Variants in GPSM1 observed in about 807,000 individuals in gnomAD.
GPSM1 encodes the protein G protein signaling modulator 1, also known as G protein-signaling modulator 1.
Under a neutral mutation model 70.5 loss-of-function variants are expected in GPSM1, and 48 were observed. The observed-to-expected ratio is 0.68, with a 90% confidence interval of 0.54 to 0.87. The LOEUF is 0.87. Ranked by LOEUF, GPSM1 falls within the 40% of genes least tolerant of loss-of-function variation. The pLI is 0.00. For synonymous variants in GPSM1, 416 were observed against 430.1 expected (o/e 0.97, Z 0.41); for missense variants, 981 against 972.6 (o/e 1.01, Z -0.11).
At chr9:136,330,123 A>G (rs1171424599) in intron 1 of GPSM1, among the ~76,000 whole-genome samples, 1 of 152,070 alleles carries the variant, frequency 6.6e-6, no homozygotes, top group Non-Finnish European at 1.5e-5. Context: ...CCAGTGGCTG[A>G]GAAGGCCCCG....
Position 136,358,406 on chromosome 9 carries a change from G to C in GPSM1, c.*186G>C, listed in dbSNP as rs978864679. On this transcript the variant is annotated 3_prime_UTR_variant, in exon 14 of 14. Coordinates refer to ENST00000440944, the MANE Select transcript of GPSM1 (RefSeq NM_001145638.3). ...TGGTGGGAGGGCGTGCTTCCATCCC[G>C]GGCTGGCCCCCATGGCCCTCAGCTT... 2 of 611,478 alleles carry C rather than the reference G, an allele frequency of 3.3e-6. No individual in the cohort carries two copies. The highest frequency in any genetic ancestry group is 5.6e-6 in the Non-Finnish European group (2 of 357,766). 37.9% of individuals were successfully genotyped at this position (611,478 alleles called of 1,614,324 possible).
Position 136,356,399 on chromosome 9 carries a change from G to C in GPSM1, c.1670G>C (p.Ser557Thr). Residue 557 changes from serine (S) to threonine (T), a missense_variant, in exon 13 of 14, where the codon AGC becomes ACC. Transcript: ENST00000440944. ...GAGGAATTCTTCGACCTCATCGCCAGCTCCCAGAGCCGCCGGCTGGACGAC... is the reference window on the plus strand; with the variant it reads ...GAGGAATTCTTCGACCTCATCGCCACCTCCCAGAGCCGCCGGCTGGACGAC... ...QTEEFFDLIA[S>T]SQSRRLDDQR... is the part of the protein sequence containing the mutation. The C allele has an allele frequency of 6.2e-7, 1 of 1,608,918 alleles. No homozygotes were observed. The highest frequency in any genetic ancestry group is 8.5e-7 in the Non-Finnish European group (1 of 1,177,998).
Position 136,348,743 on chromosome 9 carries a change from C to A in GPSM1, c.1254C>A (p.Asp418Glu), listed in dbSNP as rs1554771634. Residue 418 changes from aspartate (D) to glutamate (E), a missense_variant, in exon 10 of 14, where the codon GAC becomes GAA. Coordinates refer to ENST00000440944, the MANE Select transcript of GPSM1 (RefSeq NM_001145638.3). The stretch of plus-strand genomic sequence containing the variant: ...AGAGGCTGAGCGCGGAGACCTGGGA[C>A]CTGCTGAGACTCCCCCTGGAGCGGG... Reference protein sequence around the residue: ...RTQRLSAETWDLLRLPLEREQ... With the variant: ...RTQRLSAETWELLRLPLEREQ... 1 of 1,612,184 alleles carries A rather than the reference C, an allele frequency of 6.2e-7. No individual in the cohort carries two copies. Among genetic ancestry groups the A allele is most frequent in the East Asian group, 2.2e-5 (1 of 44,868 alleles).
intron 7 of GPSM1, among the ~76,000 whole-genome samples, chr9:136,339,420 A>G (rs1832331661): frequency 6.6e-6 from 1 of 152,246 alleles, no homozygotes; most frequent in Admixed American, 6.5e-5. Flanking sequence ...AACTGCCCGC[A>G]AAGGCAGAGC....
chr9:136,329,259 C>T (rs1588686967), intron 1 of GPSM1, among the ~76,000 whole-genome samples: 2 of 152,136 alleles, frequency 1.3e-5, no homozygotes, highest in Admixed American at 6.5e-5. Flanking sequence ...TTGGGGGAAG[C>T]GCGCCAAGCC....
At chr9:136,344,284 CA>C (rs1446987063) in intron 9 of GPSM1, among the ~76,000 whole-genome samples, 29 of 152,036 alleles carry the variant, frequency 1.9e-4, no homozygotes, top group Middle Eastern at 3.4e-3. Context: ...ACAGGGGAAG[CA>C]GGCTGCAGCA....
At chr9:136,345,027 G>A (rs1220186096) in intron 9 of GPSM1, among the ~76,000 whole-genome samples, 3 of 152,230 alleles carry the variant, frequency 2.0e-5, no homozygotes, top group Non-Finnish European at 4.4e-5. Flanking sequence ...GTGGGACTCT[G>A]GATCTGCAGT....
Position 136,341,100 on chromosome 9 carries a change from C to A in GPSM1, c.1207+107C>A, listed in dbSNP as rs901773400. The A allele has an allele frequency of 2.6e-6, 4 of 1,549,978 alleles. No individual in the cohort carries two copies. The highest frequency in any genetic ancestry group is 3.5e-6 in the Non-Finnish European group (4 of 1,146,886). ...CAGGCCAGCATGGCGGAGGTGGCAG[C>A]CGCCAGAAAATGGCGCCTACAAGCC... is the stretch of plus-strand genomic sequence containing the variant. On this transcript the variant is annotated intron_variant, in intron 9 of 13. Coordinates refer to ENST00000440944, the MANE Select transcript of GPSM1 (RefSeq NM_001145638.3). The surrounding 1 kb of genome is among the most constrained non-coding windows in gnomAD (Gnocchi z 6.7).
chr9:136,338,523 C>T, intron 6 of GPSM1, 32 bp from the exon 7 acceptor site: 1 of 1,589,062 alleles, frequency 6.3e-7, no homozygotes, highest in Admixed American at 1.7e-5. Flanking sequence ...TGGAGCCCTC[C>T]TCCTGGGGGC....
At position 136,327,704 on chromosome 9, in the gene GPSM1, C is replaced by T. The variant is rs1410469702; in HGVS notation, c.9C>T (p.Gly3=). 3.1e-5 allele frequency: 36 copies of T among 1,148,434 alleles called. No homozygotes were observed. The highest frequency in any genetic ancestry group is 4.9e-5 in the African/African-American group (3 of 60,924). 71.1% of individuals were successfully genotyped at this position (1,148,434 alleles called of 1,614,324 possible). Reference sequence around the variant, plus strand: ...TCCCGCGTCCCCGACCCATGGCGGGCCCGGCCCCGCCCGCGGCCGACGAGC... The same window carrying T: ...TCCCGCGTCCCCGACCCATGGCGGGTCCGGCCCCGCCCGCGGCCGACGAGC... MA[G]PAPPAADELP... Residue 3 remains glycine (G), a synonymous_variant, in exon 1 of 14, where the codon GGC becomes GGT. Transcript: ENST00000440944.
intron 12 of GPSM1, 45 bp downstream of exon 12, chr9:136,355,891 G>A: frequency 2.0e-6 from 3 of 1,524,608 alleles, no homozygotes; most frequent in South Asian, 1.1e-5. Context: ...CTTGTCTGCA[G>A]GGGCCAGGAC....
rs1832178929 is a variant in GPSM1, at chr9:136,334,475, C to G, written c.97C>G (p.Leu33Val). 3 of 1,612,690 alleles carry G rather than the reference C, an allele frequency of 1.9e-6. No individual in the cohort carries two copies. Among genetic ancestry groups the G allele is most frequent in the Non-Finnish European group, 2.5e-6 (3 of 1,179,908 alleles). The part of the protein sequence containing the change: ...RMEASCLELA[L>V]EGERLCKAGD... ...GGAGGCGTCCTGCCTAGAGCTGGCGCTGGAGGGCGAGCGTCTGTGCAAGGC... is the reference window on the plus strand; with the variant it reads ...GGAGGCGTCCTGCCTAGAGCTGGCGGTGGAGGGCGAGCGTCTGTGCAAGGC... Residue 33 changes from leucine to valine, a missense_variant, in exon 2 of 14, where the codon CTG becomes GTG. Coordinates refer to ENST00000440944, the MANE Select transcript of GPSM1 (RefSeq NM_001145638.3).
At chr9:136,351,205 A>T (rs1437243511) in intron 11 of GPSM1, among the ~76,000 whole-genome samples, 1 of 152,088 alleles carries the variant, frequency 6.6e-6, no homozygotes, top group Non-Finnish European at 1.5e-5. Context: ...CCTTCCCCTC[A>T]TTCAGCCCCA....
chr9:136,330,850 G>A (rs1425673241), intron 1 of GPSM1, among the ~76,000 whole-genome samples: 1 of 152,164 alleles, frequency 6.6e-6, no homozygotes, highest in Non-Finnish European at 1.5e-5. Flanking sequence ...GGTTCAGTCT[G>A]TTGACGAGGA....
At chr9:136,335,788 G>A (rs1454863733) in intron 2 of GPSM1, among the ~76,000 whole-genome samples, 178 bp from the exon 3 acceptor site, 1 of 152,140 alleles carries the variant, frequency 6.6e-6, no homozygotes, top group African/African-American at 2.4e-5. Context: ...GGCTGCCCTC[G>A]GGCCTCACTT....
At chr9:136,331,595 C>A (rs1395286893) in intron 1 of GPSM1, among the ~76,000 whole-genome samples, 3 of 152,202 alleles carry the variant, frequency 2.0e-5, no homozygotes, top group African/African-American at 7.2e-5. Flanking sequence ...ATTCCTCTTT[C>A]CATTCACAAA....
Position 136,359,537 on chromosome 9 carries a change from C to T in GPSM1, c.*1317C>T, listed in dbSNP as rs1315573150. The T allele has an allele frequency of 6.6e-6, 1 of 152,354 alleles. No homozygotes were observed. The highest frequency in any genetic ancestry group is 1.5e-5 in the Non-Finnish European group (1 of 68,028). 9.4% of individuals were successfully genotyped at this position (152,354 alleles called of 1,614,324 possible). ...GTCTGTGCCATGTTGTCAATGGGTCCTTTCCAACCCAAGAGGTACATTTGT... is the reference window on the plus strand; with the variant it reads ...GTCTGTGCCATGTTGTCAATGGGTCTTTTCCAACCCAAGAGGTACATTTGT... On this transcript the variant is annotated 3_prime_UTR_variant, in exon 14 of 14. Transcript: ENST00000440944.
chr9:136,356,364 G>A lies in GPSM1; in HGVS notation c.1635G>A (p.Ser545=), dbSNP rs376157793. The A allele has an allele frequency of 7.1e-5, 114 of 1,598,078 alleles. No homozygotes were observed. The African/African-American group carries it at 9.5e-4, about 13-fold the overall frequency. Residue 545 remains serine, a synonymous_variant, in exon 13 of 14, where the codon TCG becomes TCA. Coordinates refer to ENST00000440944, the MANE Select transcript of GPSM1 (RefSeq NM_001145638.3). ...CAGCCCAGCCCTCGATGACGGCCTC[G>A]CCCCAGACCGAGGAATTCTTCGACC... ...DRIAQPSMTA[S]PQTEEFFDLI...
In GPSM1 at chr9:136,337,487, G is replaced by A; in HGVS notation, c.625G>A (p.Gly209Ser). The change falls in exon 5 of 14, where the codon GGC (glycine) becomes AGC (serine). Residue 209 changes from glycine to serine, a missense_variant. Gly to Ser is a moderately conservative substitution (Grantham distance 56, BLOSUM62 0). Transcript: ENST00000440944. ...VKELGDRAAQ[G>S]RAYGNLGNTH... ...GGAGCTGGGCGACCGTGCGGCGCAG[G>A]GCAGGGCCTACGGCAACCTGGGCAA... 6.4e-7 allele frequency: 1 copy of A among 1,566,558 alleles called. No individual in the cohort carries two copies. The highest frequency in any genetic ancestry group is 8.7e-7 in the Non-Finnish European group (1 of 1,155,820).
Sources: gnomAD v4.1 joint callset for allele counts (sites outside exome capture counted in the v4.1 genomes callset) on GRCh38, gnomAD v4.1.1 for gene constraint, Gnocchi (gnomAD v3.1) non-coding constraint, MANE v1.5 for transcripts, NCBI Gene and HGNC (gene_info 2026-07-23, HGNC 2026-07-21) for gene names.